RBM5: variants seen among roughly 807,000 people sequenced by gnomAD.
RBM5 encodes RNA binding motif protein 5, also known as RNA-binding protein 5.
RBM5 carries 15 observed loss-of-function variants against 124.6 expected under a neutral mutation model. The observed-to-expected ratio is 0.12, with a 90% CI of 0.08 to 0.19. RBM5 has a LOEUF of 0.19. Among genes scored for constraint, RBM5 ranks in the 10% least tolerant of loss-of-function variants. RBM5 has a pLI of 1.00. For synonymous variants in RBM5, 337 were observed against 361.2 expected, an observed-to-expected ratio of 0.93 and a Z score of 0.76; for missense variants, 580 against 1,026.5, an observed-to-expected ratio of 0.57 and a Z score of 5.94.
At chr3:50,104,933 G>C (rs866964772) in intron 8 of RBM5, 144 bp from the exon 9 acceptor site, 2 of 625,450 alleles carry the variant, frequency 3.2e-6, no homozygotes, top group Middle Eastern at 4.0e-4. Context: ...AATTAATGAG[G>C]TTTTACTATA....
intron 4 of RBM5, among the ~76,000 whole-genome samples, chr3:50,097,196 C>G (rs932870914): frequency 5.3e-5 from 8 of 151,934 alleles, no homozygotes; most frequent in Admixed American, 2.6e-4. Context: ...GAGATCGAGA[C>G]CATCCTGGCT....
chr3:50,106,371 C>G (rs937318669), intron 10 of RBM5, among the ~76,000 whole-genome samples: 1 of 151,962 alleles, frequency 6.6e-6, no homozygotes, highest in African/African-American at 2.4e-5. Context: ...TGATCACCAC[C>G]TCTGCCTCCC....
In RBM5 at chr3:50,117,095, G is replaced by T; in HGVS notation, c.2116G>T (p.Ala706Ser). Residue 706 changes from alanine to serine, a missense_variant, in exon 23 of 25, where the codon GCA becomes TCA. By Grantham distance (99) the Ala-to-Ser change is moderately conservative. Transcript: ENST00000347869. This position sits in a 1 kb window ranked among gnomAD's most constrained non-coding sequence, Gnocchi z 4.2. ...GTAGATGAAATACCGAGACCGAGCT[G>T]CAGAAAGACGGGAGAAGTACGGCAT... ...EREMKYRDRA[A>S]ERREKYGIPE... 1 of 1,614,204 alleles carries T rather than the reference G, an allele frequency of 6.2e-7. No individual in the cohort carries two copies. The highest frequency in any genetic ancestry group is 8.5e-7 in the Non-Finnish European group (1 of 1,180,012).
chr3:50,107,917 C>G (rs1352498562), intron 12 of RBM5, among the ~76,000 whole-genome samples, 153 bp from the exon 13 acceptor site: 3 of 151,824 alleles, frequency 2.0e-5, no homozygotes, highest in African/African-American at 7.3e-5. Flanking sequence ...AACTCCTGAC[C>G]TCAGGTGATC....
At chr3:50,097,559 G>C (rs1450828240) in intron 4 of RBM5, among the ~76,000 whole-genome samples, 9 of 151,814 alleles carry the variant, frequency 5.9e-5, no homozygotes, top group Admixed American at 5.9e-4. Context: ...TGAGAATCTT[G>C]TTTCCACAAA....
chr3:50,107,037 T>G, intron 11 of RBM5, 173 bp downstream of exon 11: 3 of 709,078 alleles, frequency 4.2e-6, no homozygotes, highest in Non-Finnish European at 7.7e-6. Context: ...CCTACTGTCC[T>G]GTGTAACCAG....
intron 22 of RBM5, chr3:50,116,662 A>C (rs1296067425): frequency 3.9e-6 from 1 of 255,294 alleles, no homozygotes; most frequent in African/African-American, 2.3e-5. Context: ...GCGACTGCTG[A>C]ACAGGTCTCT....
chr3:50,110,512 TGTC>T (rs951984322), intron 16 of RBM5, 49 bp downstream of exon 16: 15 of 1,562,500 alleles, frequency 9.6e-6, no homozygotes, highest in Admixed American at 1.7e-5. Context: ...TCTTAGTTGT[TGTC>T]TTTGTTTAAT....
intron 11 of RBM5, 171 bp downstream of exon 11, chr3:50,107,035 C>A (rs1468985196): frequency 1.4e-6 from 1 of 709,732 alleles, no homozygotes; most frequent in East Asian, 2.7e-5. Context: ...TCCCTACTGT[C>A]CTGTGTAACC....
At chr3:50,093,679 A>G (rs746638558) in intron 3 of RBM5, 41 bp from the exon 4 acceptor site, 2 of 1,598,630 alleles carry the variant, frequency 1.3e-6, no homozygotes, top group East Asian at 4.5e-5. Context: ...TTCAAAGAGT[A>G]CAGGGTGATG....
At chr3:50,104,354 A>C in intron 8 of RBM5, 46 bp downstream of exon 8, 1 of 1,572,132 alleles carries the variant, frequency 6.4e-7, no homozygotes, top group Non-Finnish European at 8.8e-7. Context: ...AAACCTACTA[A>C]CTGGGGCAGG....
intron 11 of RBM5, among the ~76,000 whole-genome samples, chr3:50,107,243 G>A (rs2091049953): frequency 6.6e-6 from 1 of 151,620 alleles, no homozygotes. Flanking sequence ...CCTTTTTTTA[G>A]TATCATTGCA....
intron 2 of RBM5, among the ~76,000 whole-genome samples, 158 bp downstream of exon 2, chr3:50,090,609 G>A (rs1160331456): frequency 6.6e-6 from 1 of 152,242 alleles, no homozygotes; most frequent in Non-Finnish European, 1.5e-5. Context: ...AGTCTAGTGA[G>A]AGAATTAAAG....
At chr3:50,093,193 A>G (rs1440418937) in intron 3 of RBM5, among the ~76,000 whole-genome samples, 1 of 151,462 alleles carries the variant, frequency 6.6e-6, no homozygotes, top group Non-Finnish European at 1.5e-5. Context: ...TAATCCCAGC[A>G]CTTTGGGAGG....
intron 22 of RBM5, chr3:50,116,222 A>T (rs778843842): frequency 2.0e-6 from 1 of 491,840 alleles, no homozygotes; most frequent in Non-Finnish European, 3.7e-6. Context: ...TCTCACAGCA[A>T]TGCCAGAGCT....
intron 4 of RBM5, among the ~76,000 whole-genome samples, chr3:50,094,546 T>C (rs1009262111): frequency 1.3e-5 from 2 of 152,176 alleles, no homozygotes; most frequent in African/African-American, 4.8e-5. Flanking sequence ...CAGTCTGGAG[T>C]ATAGCAATGC....
intron 17 of RBM5, 179 bp from the exon 18 acceptor site, chr3:50,113,204 T>G (rs1270894462): frequency 1.9e-6 from 1 of 533,228 alleles, no homozygotes; most frequent in Non-Finnish European, 3.3e-6. Context: ...TCTAGCAGTG[T>G]CACACCTCTT....
Position 50,117,106 on chromosome 3 carries a change from G to A in RBM5, c.2127G>A (p.Arg709=), listed in dbSNP as rs778869259. 3 of 1,614,110 alleles carry A rather than the reference G, an allele frequency of 1.9e-6. No homozygotes were observed. The highest frequency in any genetic ancestry group is 3.3e-5 in the Admixed American group (2 of 60,010). ...ACCGAGACCGAGCTGCAGAAAGACG[G>A]GAGAAGTACGGCATTCCAGAACCTC... The part of the protein sequence containing the change: ...MKYRDRAAER[R]EKYGIPEPPE... Residue 709 remains arginine (R), a synonymous_variant, in exon 23 of 25, where the codon CGG becomes CGA. Transcript: ENST00000347869. This position sits in a 1 kb window ranked among gnomAD's most constrained non-coding sequence, Gnocchi z 4.2.
chr3:50,101,587 C>G (rs936419033), intron 6 of RBM5: 1 of 152,220 alleles, frequency 6.6e-6, no homozygotes, highest in African/African-American at 2.4e-5. Flanking sequence ...TCATTCATTT[C>G]ATACCATAGA....
Sources: gnomAD v4.1 joint callset for allele counts (sites outside exome capture counted in the v4.1 genomes callset) on GRCh38, gnomAD v4.1.1 for gene constraint, Gnocchi (gnomAD v3.1) non-coding constraint, MANE v1.5 for transcripts, NCBI Gene and HGNC (gene_info 2026-07-23, HGNC 2026-07-21) for gene names.